Variants in DDX5 observed in about 807,000 individuals in gnomAD.
DDX5 encodes probable ATP-dependent RNA helicase DDX5.
A neutral mutation model predicts 68.6 loss-of-function variants in DDX5; 6 were observed. The ratio of observed to expected loss-of-function variants is 0.09; its 90% CI spans 0.05 to 0.17. The LOEUF (loss-of-function observed/expected upper bound fraction) is 0.17, where lower values mean the gene tolerates loss of function less well. DDX5 is among the 10% of genes least tolerant of loss of function. The pLI is 1.00. For synonymous variants in DDX5, 350 were observed against 247.0 expected (o/e 1.42, Z -3.91); for missense variants, 499 against 756.1 (o/e 0.66, Z 3.99).
chr17:64,499,544 A>G lies in DDX5; in HGVS notation c.*379T>C, dbSNP rs1438420047. ...TCATGGAAAAAAAAAACCAAACAAA[A>G]ACAAAAAAAAAACCAGACCATCTTA... On this transcript the variant is annotated 3_prime_UTR_variant, in exon 13 of 13. Coordinates refer to ENST00000225792, the MANE Select transcript of DDX5 (RefSeq NM_004396.5). The G allele has an allele frequency of 8.6e-6, 2 of 232,668 alleles. No individual in the cohort carries two copies. Among genetic ancestry groups the G allele is most frequent in the African/African-American group, 2.2e-5 (1 of 44,920 alleles). 14.4% of individuals were successfully genotyped at this position (232,668 alleles called of 1,614,324 possible).
chr17:64,504,582 C>T (rs193215391), intron 2 of DDX5, 95 bp downstream of exon 2: 26 of 1,413,950 alleles, frequency 1.8e-5, no homozygotes, highest in Middle Eastern at 1.9e-4. Flanking sequence ...GTAACTCTAC[C>T]AAAATTGAGT....
At chr17:64,502,589 A>G in intron 8 of DDX5, 40 bp from the exon 9 acceptor site, 1 of 1,433,488 alleles carries the variant, frequency 7.0e-7, no homozygotes, top group Non-Finnish European at 9.8e-7. Flanking sequence ...CTGAGTTTTA[A>G]AAGACCATTG....
In DDX5 at chr17:64,499,600, A is replaced by G. The variant is rs1308697859; in HGVS notation, c.*323T>C. 1.1e-5 allele frequency: 3 copies of G among 264,862 alleles called. No individual in the cohort carries two copies. The highest frequency in any genetic ancestry group is 2.1e-5 in the Non-Finnish European group (3 of 140,672). The allele number at this position is 264,862 out of a possible 1,614,324, so 16.4% of individuals were successfully genotyped here. The stretch of plus-strand genomic sequence containing the variant: ...AGTTTTACATGACATTATATAAAAT[A>G]AAGTACAATTTCCACTTAATTCAGT... On this transcript the variant is annotated 3_prime_UTR_variant, in exon 13 of 13. Coordinates refer to ENST00000225792, the MANE Select transcript of DDX5 (RefSeq NM_004396.5).
In DDX5 at chr17:64,506,062, G is replaced by A. The variant is rs1555672458; in HGVS notation, c.44+14C>T. On this transcript the variant is annotated intron_variant, in intron 1 of 12. Transcript: ENST00000225792. ...CCCACCCGCCAGGCCTGACAGCTCG[G>A]CTCCCAAACTCACCCTCGGTCCCGG... 4.5e-6 allele frequency: 7 copies of A among 1,568,150 alleles called. No individual in the cohort carries two copies. Among genetic ancestry groups the A allele is most frequent in the Non-Finnish European group, 5.2e-6 (6 of 1,156,574 alleles).
intron 11 of DDX5, 63 bp downstream of exon 11, chr17:64,501,947 C>G: frequency 6.5e-7 from 1 of 1,533,588 alleles, no homozygotes; most frequent in Non-Finnish European, 9.0e-7. Context: ...AATAAACTTT[C>G]TTTAAAAAAG....
Position 64,504,130 on chromosome 17 carries a change from C to G in DDX5, c.308-14G>C, listed in dbSNP as rs1358818711. On this transcript the variant is annotated splice_polypyrimidine_tract_variant and intron_variant, in intron 3 of 12. Transcript: ENST00000225792. Reference sequence around the variant, plus strand: ...CCATGACATTTGCTATAATTAGTAACAGATATTTAGTAAAAATTAGTGATG... The same window carrying G: ...CCATGACATTTGCTATAATTAGTAAGAGATATTTAGTAAAAATTAGTGATG... 2 of 1,613,908 alleles carry G rather than the reference C, an allele frequency of 1.2e-6. No homozygotes were observed. Among genetic ancestry groups the G allele is most frequent in the East Asian group, 2.2e-5 (1 of 44,870 alleles).
Position 64,498,311 on chromosome 17 carries a change from T to C in DDX5, c.*1612A>G, listed in dbSNP as rs1230579429. Among the ~76,000 whole-genome samples the C allele has an allele frequency of 6.6e-6, 1 of 152,144 alleles. No individual in the cohort carries two copies. The highest frequency in any genetic ancestry group is 1.5e-5 in the Non-Finnish European group (1 of 68,030). ...GACCACAGGCTGGACACAACACACA[T>C]GCTAAAAAGTGGACTGTCTTTTAAA... On this transcript the variant is annotated 3_prime_UTR_variant, in exon 13 of 13. Transcript: ENST00000225792.
intron 12 of DDX5, 97 bp from the exon 13 acceptor site, chr17:64,500,423 T>G (rs1423457848): frequency 2.0e-6 from 3 of 1,527,894 alleles, no homozygotes; most frequent in Admixed American, 2.0e-5. Flanking sequence ...GCGTGAAATG[T>G]TTTTACAATT....
In DDX5 at chr17:64,499,929, G is replaced by A. The variant is rs1555670688; in HGVS notation, c.1839C>T (p.Ser613=). The change falls in exon 13 of 13, where the codon TCC becomes TCT. Residue 613 remains serine (S), a synonymous_variant. Coordinates refer to ENST00000225792, the MANE Select transcript of DDX5 (RefSeq NM_004396.5). ...TACATATACTTCTAAAGTCTTATTGGGAATATCCTGTTGGCATTGGATAAC... is the reference window on the plus strand; with the variant it reads ...TACATATACTTCTAAAGTCTTATTGAGAATATCCTGTTGGCATTGGATAAC... ...MIGYPMPTGY[S]Q 5.0e-6 allele frequency: 8 copies of A among 1,594,204 alleles called. No individual in the cohort carries two copies. Among genetic ancestry groups the A allele is most frequent in the Non-Finnish European group, 6.8e-6 (8 of 1,168,954 alleles).
At chr17:64,500,377 A>G (rs781893681) in intron 12 of DDX5, 51 bp from the exon 13 acceptor site, 9 of 1,561,452 alleles carry the variant, frequency 5.8e-6, no homozygotes, top group African/African-American at 1.4e-5. Context: ...GACACAAATC[A>G]TTGTGGACAG....
intron 5 of DDX5, 41 bp downstream of exon 5, chr17:64,503,762 C>G (rs1555671539): frequency 6.3e-7 from 1 of 1,587,548 alleles, no homozygotes. Flanking sequence ...CTAAAATCTA[C>G]ACATTATGCT....
At chr17:64,506,404 G>GATT (rs1555672768), upstream of DDX5, 2 of 1,392,442 alleles carry the variant, frequency 1.4e-6, no homozygotes, top group Non-Finnish European at 1.9e-6. Context: ...AGGCCGCAAC[G>GATT]CCCGCTGGCG....
rs782750073 is a variant in DDX5 at position 64,502,557 on chromosome 17, TAGG to T, written c.984-11_984-9del. On this transcript the variant is annotated splice_polypyrimidine_tract_variant and intron_variant, in intron 8 of 12. Coordinates refer to ENST00000225792, the MANE Select transcript of DDX5 (RefSeq NM_004396.5). Reference sequence around the variant, plus strand: ...TCCATTAGACGAATAAGTCTAATAATAGGAGAGAGAAAGGAAAAATCCTGAGTT... The same window carrying T: ...TCCATTAGACGAATAAGTCTAATAATAGAGAGAAAGGAAAAATCCTGAGTT... 15 of 1,580,896 alleles carry T rather than the reference TAGG, an allele frequency of 9.5e-6. No homozygotes were observed. The highest frequency in any genetic ancestry group is 2.7e-5 in the African/African-American group (2 of 74,040).
chr17:64,504,357 A>G (rs1555671722), intron 2 of DDX5, 39 bp from the exon 3 acceptor site: 1 of 1,532,674 alleles, frequency 6.5e-7, no homozygotes, highest in Non-Finnish European at 9.0e-7. Flanking sequence ...ATTCATGACA[A>G]CCACCCCTAG....
In DDX5 at chr17:64,504,522, C is replaced by T. The variant is rs1374076268; in HGVS notation, c.210+155G>A. The T allele has an allele frequency of 1.9e-5, 20 of 1,051,842 alleles. No homozygotes were observed. The East Asian group carries it at 3.1e-4, about 16-fold the overall frequency. The allele number at this position is 1,051,842 out of a possible 1,614,324, so 65.2% of individuals were successfully genotyped here. On this transcript the variant is annotated intron_variant, in intron 2 of 12. Coordinates refer to ENST00000225792, the MANE Select transcript of DDX5 (RefSeq NM_004396.5). ...AATTTAAGTAAAAATCCCAAAGCCA[C>T]CTATATCCAAAAGTGAGTCACACCT... is the stretch of plus-strand genomic sequence containing the variant.
upstream of DDX5, chr17:64,506,559 C>T (rs2038537102): frequency 2.1e-6 from 1 of 472,860 alleles, no homozygotes. Context: ...CCCGCCCTTT[C>T]CCAAGCCCAG....
At chr17:64,501,018 G>T in intron 11 of DDX5, 2 of 550,978 alleles carry the variant, frequency 3.6e-6, no homozygotes, top group Non-Finnish European at 6.5e-6. Flanking sequence ...AGGAATGTGT[G>T]TTCCCTAAGC....
chr17:64,502,428 C>T lies in DDX5; in HGVS notation c.1094+11G>A. Reference sequence around the variant, plus strand: ...TAATCAATCTGCTTCAATGGAGGAGCTCACACATACCCATCTCTCCTCATT... The same window carrying T: ...TAATCAATCTGCTTCAATGGAGGAGTTCACACATACCCATCTCTCCTCATT... On this transcript the variant is annotated intron_variant, in intron 9 of 12. Transcript: ENST00000225792. 6.3e-7 allele frequency: 1 copy of T among 1,584,530 alleles called. No individual in the cohort carries two copies. The highest frequency in any genetic ancestry group is 8.7e-7 in the Non-Finnish European group (1 of 1,153,310).
At chr17:64,501,822 C>T in intron 11 of DDX5, 188 bp downstream of exon 11, 2 of 612,736 alleles carry the variant, frequency 3.3e-6, no homozygotes, top group Non-Finnish European at 5.7e-6. Context: ...AGCAGCCAGC[C>T]GATCACTAGT....
Sources: allele counts gnomAD v4.1 joint callset (sites outside exome capture counted in the v4.1 genomes callset), GRCh38; gene constraint gnomAD v4.1.1; transcripts MANE v1.5; gene names NCBI Gene and HGNC (gene_info 2026-07-23, HGNC 2026-07-21).